Variants in LLGL1 observed in about 807,000 individuals in gnomAD.
LLGL1 encodes lethal(2) giant larvae protein homolog 1.
In LLGL1, 58 loss-of-function variants were observed where a neutral mutation model predicts 110.6. That is an observed-to-expected ratio of 0.52 (90% CI 0.42 to 0.65). The LOEUF (loss-of-function observed/expected upper bound fraction) is 0.65. Among genes scored for constraint, LLGL1 ranks in the 30% least tolerant of loss-of-function variants. LLGL1 has a pLI of 0.00. For missense variants in LLGL1, 1,229 were observed against 1,462.1 expected (o/e 0.84, Z 2.60); for synonymous variants, 674 against 607.2 (o/e 1.11, Z -1.62).
intron 10 of LLGL1, 47 bp downstream of exon 10, chr17:18,235,359 G>C (rs1393152403): frequency 6.2e-7 from 1 of 1,604,920 alleles, no homozygotes; most frequent in East Asian, 2.2e-5. Flanking sequence ...GTCTTGAGGA[G>C]GGGGAGAGTT....
At chr17:18,225,996 G>C (rs2047430940) in intron 1 of LLGL1, among the ~76,000 whole-genome samples, 1 of 152,004 alleles carries the variant, frequency 6.6e-6, no homozygotes, top group Non-Finnish European at 1.5e-5. Context: ...CCGAGTCTCT[G>C]CGGGCCGCTC....
chr17:18,241,311 C>A, intron 17 of LLGL1, 140 bp from the exon 18 acceptor site: 1 of 1,056,264 alleles, frequency 9.5e-7, no homozygotes, highest in Non-Finnish European at 1.3e-6. Context: ...GTGGGGCAGC[C>A]AGGTGTACAG....
rs1464701459 is a variant in LLGL1 at position 18,241,687 on chromosome 17, T to C, written c.2739T>C (p.Ala913=). The stretch of plus-strand genomic sequence containing the variant: ...GGAAGGAGGACATCAGCGGCATCGC[T>C]TCGTGCGTCTTTACGCGCCATGGCC... ...CIRKEDISGI[A]SCVFTRHGQG... is the part of the protein sequence containing the mutation. The change falls in exon 18 of 23, where the codon GCT becomes GCC. Residue 913 remains alanine, a synonymous_variant. Transcript: ENST00000316843. The C allele has an allele frequency of 1.2e-5, 19 of 1,613,520 alleles. No individual in the cohort carries two copies. The East Asian group carries it at 4.2e-4, about 36-fold the overall frequency.
chr17:18,230,059 G>A, intron 2 of LLGL1, 21 bp downstream of exon 2: 1 of 1,584,362 alleles, frequency 6.3e-7, no homozygotes, highest in Non-Finnish European at 8.6e-7. Flanking sequence ...CAGGACAGGT[G>A]TTCAGGGTCT....
Position 18,236,685 on chromosome 17 carries a change from C to A in LLGL1, c.1431C>A (p.Gly477=). ...LRPLYKLSTA[G]LFQTDCEHAD... ...CGCTCTATAAGCTGAGCACAGCTGG[C>A]CTCTTCCAGACAGACTGTGAGCACG... Residue 477 remains glycine, a synonymous_variant, in exon 12 of 23, where the codon GGC becomes GGA. Transcript: ENST00000316843. The A allele has an allele frequency of 6.2e-7, 1 of 1,612,776 alleles. No individual in the cohort carries two copies. The highest frequency in any genetic ancestry group is 8.5e-7 in the Non-Finnish European group (1 of 1,179,980).
chr17:18,232,094 C>T (rs1032210842), intron 2 of LLGL1, among the ~76,000 whole-genome samples: 6 of 152,240 alleles, frequency 3.9e-5, no homozygotes, highest in East Asian at 1.9e-4. Context: ...TCCGGCAAGG[C>T]GCAGCTCCCA....
Position 18,240,292 on chromosome 17 carries a change from C to T in LLGL1, c.2207-286C>T, listed in dbSNP as rs1240679032. 6.6e-6 allele frequency among the ~76,000 whole-genome samples: 1 copy of T among 152,022 alleles called. No individual in the cohort carries two copies. Among genetic ancestry groups the T allele is most frequent in the Non-Finnish European group, 1.5e-5 (1 of 67,992 alleles). On this transcript the variant is annotated intron_variant, in intron 16 of 22. Coordinates refer to ENST00000316843, the MANE Select transcript of LLGL1 (RefSeq NM_004140.4). This position sits in a 1 kb window ranked among gnomAD's most constrained non-coding sequence, Gnocchi z 5.3. ...GGGCTGGAGGTCTGGTTTGGGTGCC[C>T]ATCAGCATTCTGTGCAGATGCGCTA...
chr17:18,231,632 T>A (rs1027044498), intron 2 of LLGL1, among the ~76,000 whole-genome samples: 2 of 152,218 alleles, frequency 1.3e-5, no homozygotes, highest in African/African-American at 2.4e-5. Flanking sequence ...GTTGGCTGCC[T>A]GCTTTGGAGG....
chr17:18,236,495 A>G, intron 11 of LLGL1, 112 bp from the exon 12 acceptor site: 1 of 1,044,902 alleles, frequency 9.6e-7, no homozygotes, highest in Non-Finnish European at 1.4e-6. Flanking sequence ...GATTCCGGTC[A>G]GTGTTTGGCA....
chr17:18,232,394 G>A (rs2047589038), intron 2 of LLGL1, 101 bp from the exon 3 acceptor site: 12 of 1,060,034 alleles, frequency 1.1e-5, no homozygotes, highest in Non-Finnish European at 1.6e-5. Context: ...GCCCATGCCG[G>A]GGCCCACTGG....
chr17:18,241,320 A>T, intron 17 of LLGL1, 131 bp from the exon 18 acceptor site: 1 of 1,181,930 alleles, frequency 8.5e-7, no homozygotes, highest in Non-Finnish European at 1.2e-6. Flanking sequence ...CCAGGTGTAC[A>T]GGCACGGGAG....
chr17:18,229,578 C>T (rs1303725864), intron 1 of LLGL1, among the ~76,000 whole-genome samples: 1 of 152,184 alleles, frequency 6.6e-6, no homozygotes, highest in Non-Finnish European at 1.5e-5. Context: ...GGGGCCTCAT[C>T]AGTGCCTGCA....
At position 18,228,223 on chromosome 17, in the gene LLGL1, AG is replaced by A. The variant is rs538286632; in HGVS notation, c.82-1713del. 6.6e-5 allele frequency among the ~76,000 whole-genome samples: 10 copies of A among 152,300 alleles called. No individual in the cohort carries two copies. In the East Asian group the frequency reaches 1.9e-3, roughly 29 times the overall value. ...GCTGTGGATCAAATAAAGTAGGGCG[AG>A]GGGGTGAGAGGTGTGGCCAGGGCGG... On this transcript the variant is annotated intron_variant, in intron 1 of 22. Coordinates refer to ENST00000316843, the MANE Select transcript of LLGL1 (RefSeq NM_004140.4).
rs780566991 is a variant in LLGL1 at position 18,234,987 on chromosome 17, G to A, written c.1054G>A (p.Glu352Lys). The A allele has an allele frequency of 7.4e-6, 12 of 1,613,888 alleles. No individual in the cohort carries two copies. The Admixed American group carries it at 1.0e-4, about 13-fold the overall frequency. ...CTTCACAGTGCACAGCACACGGCCC[G>A]AGGATGGTGCGTGCCCTGCCGTACC... ...DFFTVHSTRP[E>K]DEFDDPQALA... Residue 352 changes from glutamate (E) to lysine (K), a missense_variant, in exon 9 of 23, where the codon GAG becomes AAG. Glu to Lys is a moderately conservative substitution (Grantham distance 56). Transcript: ENST00000316843.
intron 18 of LLGL1, 56 bp downstream of exon 18, chr17:18,241,771 C>T: frequency 6.2e-7 from 1 of 1,607,994 alleles, no homozygotes; most frequent in Non-Finnish European, 8.5e-7. Context: ...CTGAGTGGGA[C>T]CAGTACTGCT....
rs181374231 is a variant in LLGL1 at position 18,234,431 on chromosome 17, C to G, written c.850+23C>G. 9.9e-6 allele frequency: 16 copies of G among 1,608,456 alleles called. No individual in the cohort carries two copies. The Admixed American group carries it at 1.7e-4, about 17-fold the overall frequency. ...ACGGTGAGTGCTGGGGACACCTTAG[C>G]CAGAGGGTGGTGATGGGAGGGGGCA... On this transcript the variant is annotated intron_variant, in intron 7 of 22. Coordinates refer to ENST00000316843, the MANE Select transcript of LLGL1 (RefSeq NM_004140.4).
chr17:18,242,435 T>G, intron 20 of LLGL1, 73 bp from the exon 21 acceptor site: 1 of 1,599,182 alleles, frequency 6.3e-7, no homozygotes, highest in African/African-American at 1.3e-5. Flanking sequence ...GCCTTATGGG[T>G]CTGTGTCCCT....
chr17:18,228,223 A>G (rs1475043684), intron 1 of LLGL1, among the ~76,000 whole-genome samples: 1 of 152,182 alleles, frequency 6.6e-6, no homozygotes, highest in Non-Finnish European at 1.5e-5. Flanking sequence ...AAGTAGGGCG[A>G]GGGGGTGAGA....
At chr17:18,236,572 A>T (rs2047698511) in intron 11 of LLGL1, 35 bp from the exon 12 acceptor site, 1 of 1,584,502 alleles carries the variant, frequency 6.3e-7, no homozygotes, top group Non-Finnish European at 8.6e-7. Flanking sequence ...GCCTCCCAGG[A>T]ACTCGGGTAG....
Sources: allele counts gnomAD v4.1 joint callset (sites outside exome capture counted in the v4.1 genomes callset), GRCh38; gene constraint gnomAD v4.1.1; non-coding constraint Gnocchi (gnomAD v3.1); transcripts MANE v1.5; gene names NCBI Gene and HGNC (gene_info 2026-07-23, HGNC 2026-07-21).